The following CACNB1 variants were observed in gnomAD, a reference collection of about 807,000 sequenced individuals.
CACNB1 encodes the protein voltage-dependent L-type calcium channel subunit beta-1.
Under a neutral mutation model 71.6 loss-of-function variants are expected in CACNB1, and 29 were observed. The ratio of observed to expected loss-of-function variants is 0.40; its 90% CI spans 0.30 to 0.55. The LOEUF (loss-of-function observed/expected upper bound fraction) is 0.55. CACNB1 is among the 20% of genes least tolerant of loss of function. The pLI is 0.38. For synonymous variants in CACNB1, 300 were observed against 319.6 expected, an observed-to-expected ratio of 0.94 and a Z score of 0.65; for missense variants, 623 against 801.8, an observed-to-expected ratio of 0.78 and a Z score of 2.69.
intron 3 of CACNB1, among the ~76,000 whole-genome samples, chr17:39,190,190 GGC>G (rs1419940933): frequency 6.6e-6 from 1 of 152,022 alleles, no homozygotes; most frequent in Non-Finnish European, 1.5e-5. Flanking sequence ...GGGAGGCCGA[GGC>G]AGGAGGATCA....
chr17:39,186,888 C>T lies in CACNB1; in HGVS notation c.456G>A (p.Glu152=). ...NDWWIGRLVK[E]GCEVGFIPSP... ...TGGGAATGAAGCCAACCTCACAGCC[C>T]TCCTTCACCAGCCGCCCGATCCACC... The change falls in exon 5 of 14, where the codon GAG becomes GAA. Residue 152 remains glutamate (E), a synonymous_variant. Transcript: ENST00000394303. This position sits in a 1 kb window ranked among gnomAD's most constrained non-coding sequence, Gnocchi z 4.1. 1.2e-6 allele frequency: 2 copies of T among 1,614,142 alleles called. No individual in the cohort carries two copies. The highest frequency in any genetic ancestry group is 1.7e-6 in the Non-Finnish European group (2 of 1,179,972).
chr17:39,178,219 C>T (rs2045639999), intron 11 of CACNB1, 140 bp from the exon 12 acceptor site: 5 of 674,600 alleles, frequency 7.4e-6, no homozygotes, highest in South Asian at 3.3e-5. Flanking sequence ...CAGCCCTGGG[C>T]ACCTCTGCAG....
At chr17:39,185,751 C>T (rs1374778965) in intron 6 of CACNB1, among the ~76,000 whole-genome samples, 14 of 152,088 alleles carry the variant, frequency 9.2e-5, no homozygotes, top group African/African-American at 3.1e-4. Context: ...GGCAAGATCT[C>T]CTTCCTGGAG....
chr17:39,182,324 CAA>C (rs56792654), intron 11 of CACNB1, among the ~76,000 whole-genome samples: 1 of 129,932 alleles, frequency 7.7e-6, no homozygotes, highest in Non-Finnish European at 1.7e-5. Context: ...AAGGCTGTCT[CAA>C]AAAAAAAAAA....
chr17:39,180,164 C>A (rs975093136), intron 11 of CACNB1, among the ~76,000 whole-genome samples: 2 of 149,994 alleles, frequency 1.3e-5, no homozygotes, highest in African/African-American at 4.9e-5. Context: ...ACTCAGGAGG[C>A]TGAGGCAGAA....
At position 39,186,207 on chromosome 17, in the gene CACNB1, G is replaced by T; in HGVS notation, c.628+289C>A. On this transcript the variant is annotated intron_variant, in intron 6 of 13. Coordinates refer to ENST00000394303, the MANE Select transcript of CACNB1 (RefSeq NM_000723.5). This position sits in a 1 kb window ranked among gnomAD's most constrained non-coding sequence, Gnocchi z 4.1. Reference sequence around the variant, plus strand: ...TACAGAACGCAGGGATGGGGATGGGGAAAAAAGAAAGAAGAAGAGGTGAAT... The same window carrying T: ...TACAGAACGCAGGGATGGGGATGGGTAAAAAAGAAAGAAGAAGAGGTGAAT... 1.0e-6 allele frequency: 1 copy of T among 967,842 alleles called. No homozygotes were observed. Among genetic ancestry groups the T allele is most frequent in the Non-Finnish European group, 1.6e-6 (1 of 626,740 alleles). 60.0% of individuals were successfully genotyped at this position (967,842 alleles called of 1,614,324 possible).
rs190501782 is a variant in CACNB1, at chr17:39,191,627, C to T, written c.172-34G>A. 6 of 1,599,802 alleles carry T rather than the reference C, an allele frequency of 3.8e-6. No homozygotes were observed. In the Admixed American group the frequency reaches 8.9e-5, roughly 24 times the overall value. On this transcript the variant is annotated intron_variant, in intron 2 of 13. Coordinates refer to ENST00000394303, the MANE Select transcript of CACNB1 (RefSeq NM_000723.5). ...AGAGAGAGCCAGATCAGGGCCATTG[C>T]TGCCCCTCCCAGCTCCTGGGCCTGG... is the stretch of plus-strand genomic sequence containing the variant.
rs113615697 is a variant in CACNB1, at chr17:39,184,611, G to A, written c.729+173C>T. On this transcript the variant is annotated intron_variant, in intron 8 of 13. Coordinates refer to ENST00000394303, the MANE Select transcript of CACNB1 (RefSeq NM_000723.5). ...TCTTCTGAGGGTTTCTTTGGGGGAC[G>A]GGGCTCCTCTGAGTGGGTCTTTCTG... 7.9e-5 allele frequency among the ~76,000 whole-genome samples: 12 copies of A among 152,152 alleles called. 1 individual carries two copies. The highest frequency in any genetic ancestry group is 1.0e-4 in the Non-Finnish European group (7 of 67,988).
In CACNB1 at chr17:39,177,494, A is replaced by C; in HGVS notation, c.1188T>G (p.Asp396Glu). The C allele has an allele frequency of 6.2e-7, 1 of 1,607,886 alleles. No individual in the cohort carries two copies. The highest frequency in any genetic ancestry group is 8.5e-7 in the Non-Finnish European group (1 of 1,175,522). ...DIILDENQLE[D>E]ACEHLAEYLE... ...AGTACTCCGCCAGATGCTCGCAGGC[A>C]TCCTCCAATTGGTTCTCATCCAGGA... Residue 396 changes from aspartate (D) to glutamate (E), a missense_variant, in exon 13 of 14, where the codon GAT (aspartate) becomes GAG (glutamate). Coordinates refer to ENST00000394303, the MANE Select transcript of CACNB1 (RefSeq NM_000723.5).
chr17:39,182,324 C>CAAAA (rs56792654), intron 11 of CACNB1, among the ~76,000 whole-genome samples: 1 of 129,964 alleles, frequency 7.7e-6, no homozygotes, highest in African/African-American at 2.8e-5. Flanking sequence ...AAGGCTGTCT[C>CAAAA]AAAAAAAAAA....
At chr17:39,184,456 T>C in intron 8 of CACNB1, 73 bp from the exon 9 acceptor site, 1 of 860,712 alleles carries the variant, frequency 1.2e-6, no homozygotes, top group Non-Finnish European at 1.9e-6. Flanking sequence ...TCTGAGTCGC[T>C]GGGTATTTGT....
Position 39,186,653 on chromosome 17 carries a change from C to A in CACNB1, c.552-81G>T. The A allele has an allele frequency of 6.6e-7, 1 of 1,510,838 alleles. No individual in the cohort carries two copies. The highest frequency in any genetic ancestry group is 1.2e-5 in the South Asian group (1 of 84,470). The allele number at this position is 1,510,838 out of a possible 1,614,324, so 93.6% of individuals were successfully genotyped here. ...CTCATCCTCTCACATGCGGCACCCC[C>A]GGAGGTGCTCCAGCCCCACTGGTGA... On this transcript the variant is annotated intron_variant, in intron 5 of 13. Transcript: ENST00000394303. This position sits in a 1 kb window ranked among gnomAD's most constrained non-coding sequence, Gnocchi z 4.1.
At position 39,186,626 on chromosome 17, in the gene CACNB1, C is replaced by T. The variant is rs1354616287; in HGVS notation, c.552-54G>A. 1.3e-5 allele frequency: 20 copies of T among 1,530,704 alleles called. No individual in the cohort carries two copies. The highest frequency in any genetic ancestry group is 1.4e-5 in the Non-Finnish European group (16 of 1,109,388). 94.8% of individuals were successfully genotyped at this position (1,530,704 alleles called of 1,614,324 possible). On this transcript the variant is annotated intron_variant, in intron 5 of 13. Transcript: ENST00000394303. This position sits in a 1 kb window ranked among gnomAD's most constrained non-coding sequence, Gnocchi z 4.1. ...TGAGCAAAGAGGTGGGCGTGGGGGGCTCTCATCCTCTCACATGCGGCACCC... is the reference window on the plus strand; with the variant it reads ...TGAGCAAAGAGGTGGGCGTGGGGGGTTCTCATCCTCTCACATGCGGCACCC...
intron 3 of CACNB1, among the ~76,000 whole-genome samples, chr17:39,190,939 T>C (rs576867730): frequency 2.0e-5 from 3 of 151,810 alleles, no homozygotes; most frequent in Middle Eastern, 6.8e-3. Flanking sequence ...GCACGGTGGC[T>C]CACGCCTGTA....
intron 2 of CACNB1, 30 bp from the exon 3 acceptor site, chr17:39,191,623 A>G (rs557126778): frequency 1.9e-6 from 3 of 1,601,960 alleles, no homozygotes; most frequent in South Asian, 1.1e-5. Flanking sequence ...GATCAGGGCC[A>G]TTGCTGCCCC....
Position 39,177,966 on chromosome 17 carries a change from T to G in CACNB1, c.1146+18A>C. ...AATGTTCTCCCTCCATTCCCTTCCC[T>G]GGGATCTAGGCACTCACAGGGGGGC... On this transcript the variant is annotated intron_variant, in intron 12 of 13. Coordinates refer to ENST00000394303, the MANE Select transcript of CACNB1 (RefSeq NM_000723.5). 6.3e-7 allele frequency: 1 copy of G among 1,591,148 alleles called. No individual in the cohort carries two copies. The highest frequency in any genetic ancestry group is 8.6e-7 in the Non-Finnish European group (1 of 1,159,052).
Position 39,186,838 on chromosome 17 carries a change from C to T in CACNB1, c.506G>A (p.Arg169His), listed in dbSNP as rs746197912. 1.2e-5 allele frequency: 19 copies of T among 1,613,960 alleles called. No individual in the cohort carries two copies. The highest frequency in any genetic ancestry group is 4.4e-5 in the South Asian group (4 of 91,084). The change falls in exon 5 of 14, where the codon CGC becomes CAC. Residue 169 changes from arginine to histidine, a missense_variant. Physicochemically the swap from Arg to His is conservative, Grantham distance 29. Coordinates refer to ENST00000394303, the MANE Select transcript of CACNB1 (RefSeq NM_000723.5). This position sits in a 1 kb window ranked among gnomAD's most constrained non-coding sequence, Gnocchi z 4.1. The part of the protein sequence containing the change: ...IPSPVKLDSL[R>H]LLQEQKLRQN... ...GCGCAGCTTCTGTTCCTGCAGCAGG[C>T]GAAGGCTGTCCAGTTTGACGGGGCT...
Position 39,175,754 on chromosome 17 carries a change from G to C in CACNB1, c.1333-97C>G, listed in dbSNP as rs1284486967. ...AGTTAGTGACAGCATTAAGAGGTCC[G>C]GCCTGGATGAAGAGGGTGCTGGCTC... On this transcript the variant is annotated intron_variant, in intron 13 of 13. Coordinates refer to ENST00000394303, the MANE Select transcript of CACNB1 (RefSeq NM_000723.5). This position sits in a 1 kb window ranked among gnomAD's most constrained non-coding sequence, Gnocchi z 4.7. 3.0e-6 allele frequency: 3 copies of C among 1,008,426 alleles called. No homozygotes were observed. The highest frequency in any genetic ancestry group is 4.3e-6 in the Non-Finnish European group (3 of 697,248). 62.5% of individuals were successfully genotyped at this position (1,008,426 alleles called of 1,614,324 possible). A position where few individuals can be genotyped will look rare whatever the true frequency, so the allele number is the denominator to read the frequency against.
At position 39,197,668 on chromosome 17, in the gene CACNB1, C is replaced by G; in HGVS notation, c.-173G>C. 1 of 529,178 alleles carries G rather than the reference C, an allele frequency of 1.9e-6. No homozygotes were observed. The highest frequency in any genetic ancestry group is 3.5e-5 in the East Asian group (1 of 28,242). 32.8% of individuals were successfully genotyped at this position (529,178 alleles called of 1,614,324 possible). A position where few individuals can be genotyped will look rare whatever the true frequency, so the allele number is the denominator to read the frequency against. ...TCCCTCGCTCCTCCCGCTCTCTCCACTGCCGCCGCCGCCTCCCCCGTAGGC... is the reference window on the plus strand; with the variant it reads ...TCCCTCGCTCCTCCCGCTCTCTCCAGTGCCGCCGCCGCCTCCCCCGTAGGC... On this transcript the variant is annotated 5_prime_UTR_variant, in exon 1 of 14. Coordinates refer to ENST00000394303, the MANE Select transcript of CACNB1 (RefSeq NM_000723.5).
Sources: allele counts gnomAD v4.1 joint callset (sites outside exome capture counted in the v4.1 genomes callset), GRCh38; gene constraint gnomAD v4.1.1; non-coding constraint Gnocchi (gnomAD v3.1); transcripts MANE v1.5; gene names NCBI Gene and HGNC (gene_info 2026-07-23, HGNC 2026-07-21).